The following CFAP70 variants were observed in gnomAD, a reference collection of about 807,000 sequenced individuals.
The protein encoded by CFAP70 is cilia- and flagella-associated protein 70.
Under a neutral mutation model 137.6 loss-of-function variants are expected in CFAP70, and 81 were observed. That is an observed-to-expected ratio of 0.59 (90% CI 0.49 to 0.71). CFAP70 has a LOEUF of 0.71. Ranked by LOEUF, CFAP70 falls within the 30% of genes least tolerant of loss-of-function variation. The pLI is 0.00. For missense variants in CFAP70, 976 were observed against 1,226.7 expected (o/e 0.80, Z 3.05); for synonymous variants, 382 against 423.6 (o/e 0.90, Z 1.20).
chr10:73,316,315 C>T (rs2132137986), intron 9 of CFAP70, among the ~76,000 whole-genome samples: 1 of 151,490 alleles, frequency 6.6e-6, no homozygotes, highest in East Asian at 1.9e-4. Flanking sequence ...AGATCACTTA[C>T]ATATAATATT....
intron 24 of CFAP70, 93 bp from the exon 26 acceptor site, chr10:73,269,808 A>C: frequency 1.5e-6 from 1 of 673,250 alleles, no homozygotes; most frequent in African/African-American, 1.8e-5. Flanking sequence ...ATGGTTTTCA[A>C]CTTTTTAATA....
chr10:73,335,582 A>G (rs113432784), intron 6 of CFAP70, 58 bp from the exon 8 acceptor site: 17 of 1,217,924 alleles, frequency 1.4e-5, no homozygotes, highest in African/African-American at 1.4e-4. Flanking sequence ...ATTCTGCTCC[A>G]TCTATAGGGC....
chr10:73,339,104 A>G (rs2052993124), intron 6 of CFAP70, among the ~76,000 whole-genome samples: 1 of 151,772 alleles, frequency 6.6e-6, no homozygotes, highest in Admixed American at 6.6e-5. Context: ...TTTTTAGTAG[A>G]GACAGAGTTT....
chr10:73,273,918 G>C (rs2046499835), intron 23 of CFAP70, among the ~76,000 whole-genome samples: 1 of 152,152 alleles, frequency 6.6e-6, no homozygotes, highest in South Asian at 2.1e-4. Context: ...TGTTTGCTTT[G>C]TATGTACTGA....
intron 9 of CFAP70, among the ~76,000 whole-genome samples, chr10:73,313,176 T>C (rs551312773): frequency 6.6e-6 from 1 of 151,644 alleles, no homozygotes; most frequent in East Asian, 2.0e-4. Flanking sequence ...ATTGAGATTA[T>C]CCTGGCTAAC....
At chr10:73,303,191 C>A (rs937575287) in intron 12 of CFAP70, among the ~76,000 whole-genome samples, 3 of 151,956 alleles carry the variant, frequency 2.0e-5, no homozygotes, top group Non-Finnish European at 2.9e-5. Flanking sequence ...ACCACCATAC[C>A]CAGCCTAAGT....
At chr10:73,360,801 C>T (rs1000938786), upstream of CFAP70, among the ~76,000 whole-genome samples, 1 of 152,078 alleles carries the variant, frequency 6.6e-6, no homozygotes, top group Non-Finnish European at 1.5e-5. Context: ...CAGACTCTTT[C>T]TACATAATAA....
Position 73,297,193 on chromosome 10 carries a change from C to A in CFAP70, c.1513-20G>T. On this transcript the variant is annotated intron_variant, in intron 14 of 26. Transcript: ENST00000310715. Reference sequence around the variant, plus strand: ...AGCATGCTGCAAGACACACAGATCACCCATCTGATAATACAGTCCAGCACC... The same window carrying A: ...AGCATGCTGCAAGACACACAGATCAACCATCTGATAATACAGTCCAGCACC... The A allele has an allele frequency of 1.2e-6, 2 of 1,607,226 alleles. No individual in the cohort carries two copies. Among genetic ancestry groups the A allele is most frequent in the South Asian group, 1.1e-5 (1 of 89,438 alleles).
chr10:73,299,238 G>T (rs2048758494), intron 13 of CFAP70, 137 bp from the exon 15 acceptor site: 3 of 711,678 alleles, frequency 4.2e-6, no homozygotes, highest in Admixed American at 5.9e-5. Context: ...TAGAGACAAG[G>T]TCTCTCTCGC....
chr10:73,362,419 T>C (rs1158027143), upstream of CFAP70, among the ~76,000 whole-genome samples: 2 of 152,198 alleles, frequency 1.3e-5, no homozygotes, highest in African/African-American at 2.4e-5. Context: ...TTCTAATCCA[T>C]GAACATAGGA....
intron 9 of CFAP70, among the ~76,000 whole-genome samples, chr10:73,321,492 CAGTT>C (rs750322823): frequency 1.3e-5 from 2 of 152,136 alleles, no homozygotes; most frequent in African/African-American, 2.4e-5. Context: ...GTTTACTACT[CAGTT>C]AGTGTACAAC....
intron 12 of CFAP70, among the ~76,000 whole-genome samples, chr10:73,302,797 A>ATACCCATGCC (rs967099718): frequency 2.0e-5 from 3 of 152,118 alleles, no homozygotes; most frequent in African/African-American, 7.2e-5. Context: ...GCAGTTTGGT[A>ATACCCATGCC]TACCCATGCC....
intron 6 of CFAP70, 145 bp downstream of exon 7, chr10:73,341,254 A>T: frequency 1.6e-6 from 1 of 642,018 alleles, no homozygotes; most frequent in Non-Finnish European, 2.5e-6. Context: ...AAGATATTTG[A>T]ATCAGAATTA....
chr10:73,297,194 C>A (rs754738187), intron 14 of CFAP70, 21 bp from the exon 16 acceptor site: 2 of 1,606,966 alleles, frequency 1.2e-6, no homozygotes, highest in South Asian at 2.2e-5. Flanking sequence ...CACAGATCAC[C>A]CATCTGATAA....
intron 1 of CFAP70, among the ~76,000 whole-genome samples, chr10:73,355,516 C>CG (rs1423238910): frequency 1.3e-5 from 2 of 152,160 alleles, no homozygotes. Context: ...CGGTGGCTCA[C>CG]GCCTGTAATC....
chr10:73,270,083 C>T (rs1303244768), intron 24 of CFAP70, among the ~76,000 whole-genome samples: 1 of 152,192 alleles, frequency 6.6e-6, no homozygotes, highest in Non-Finnish European at 1.5e-5. Context: ...GATTTCTCCA[C>T]ACACAGTGGG....
upstream of CFAP70, among the ~76,000 whole-genome samples, chr10:73,362,632 G>T (rs2055057298): frequency 6.6e-6 from 1 of 152,058 alleles, no homozygotes; most frequent in South Asian, 2.1e-4. Context: ...TTTGTATCCT[G>T]CAACTTTACT....
chr10:73,271,192 A>C (rs1479005724), intron 24 of CFAP70, among the ~76,000 whole-genome samples: 1 of 152,082 alleles, frequency 6.6e-6, no homozygotes, highest in African/African-American at 2.4e-5. Flanking sequence ...ATCTGCCCTC[A>C]AAGGGCTCAC....
chr10:73,277,395 G>T (rs764867318), intron 20 of CFAP70, 34 bp from the exon 22 acceptor site: 2 of 1,604,416 alleles, frequency 1.2e-6, no homozygotes, highest in South Asian at 2.2e-5. Flanking sequence ...TTGAAGATTG[G>T]ATATAACAGA....
Sources: gnomAD v4.1 joint callset for allele counts (sites outside exome capture counted in the v4.1 genomes callset) on GRCh38, gnomAD v4.1.1 for gene constraint, MANE v1.5 for transcripts, NCBI Gene and HGNC (gene_info 2026-07-23, HGNC 2026-07-21) for gene names.